TLL1: variants seen among roughly 807,000 people sequenced by gnomAD.
The protein encoded by TLL1 is tolloid like 1, also known as tolloid-like protein 1.
TLL1 carries 49 observed loss-of-function variants against 128.2 expected under a neutral mutation model. That is an observed-to-expected ratio of 0.38 (90% CI 0.30 to 0.48). TLL1 has a LOEUF of 0.48. Among genes scored for constraint, TLL1 ranks in the 20% least tolerant of loss-of-function variants. TLL1 has a pLI of 0.96. For synonymous variants in TLL1, 454 were observed against 418.8 expected, an observed-to-expected ratio of 1.08 and a Z score of -1.03; for missense variants, 1,123 against 1,242.0, an observed-to-expected ratio of 0.90 and a Z score of 1.44.
chr4:166,064,917 C>G (rs745984913), intron 15 of TLL1, among the ~76,000 whole-genome samples: 6 of 152,038 alleles, frequency 3.9e-5, no homozygotes, highest in Non-Finnish European at 7.4e-5. Flanking sequence ...ATTGTTAAAC[C>G]TTGCTAATTA....
At chr4:165,895,391 C>T (rs1731622770) in intron 1 of TLL1, among the ~76,000 whole-genome samples, 1 of 151,916 alleles carries the variant, frequency 6.6e-6, no homozygotes, top group Non-Finnish European at 1.5e-5. Flanking sequence ...CCAAAATTGC[C>T]ATTGACAATT....
chr4:166,074,433 C>G (rs576312283), intron 16 of TLL1, among the ~76,000 whole-genome samples: 2 of 151,494 alleles, frequency 1.3e-5, no homozygotes, highest in African/African-American at 2.4e-5. Context: ...CTTGTTTAGC[C>G]TCTGTCTGTA....
At chr4:166,086,363 G>A (rs1741515066) in intron 18 of TLL1, among the ~76,000 whole-genome samples, 1 of 152,036 alleles carries the variant, frequency 6.6e-6, no homozygotes, top group South Asian at 2.1e-4. Context: ...GGCTTAAAAT[G>A]AGCACTGTTA....
chr4:165,915,767 T>A (rs1268465706), intron 1 of TLL1, among the ~76,000 whole-genome samples: 1 of 152,130 alleles, frequency 6.6e-6, no homozygotes, highest in East Asian at 1.9e-4. Context: ...GAATTGTAAT[T>A]CCTCTATGTA....
intron 9 of TLL1, among the ~76,000 whole-genome samples, chr4:166,029,782 C>T (rs959696050): frequency 3.9e-5 from 6 of 152,092 alleles, no homozygotes; most frequent in Admixed American, 3.9e-4. Context: ...ACTGGACTAT[C>T]TCACTTAGCA....
chr4:165,982,811 G>T (rs911435336), intron 1 of TLL1, among the ~76,000 whole-genome samples: 29 of 149,768 alleles, frequency 1.9e-4, no homozygotes, highest in Non-Finnish European at 4.0e-4. Context: ...CCAAGACCTA[G>T]TGTCAATATT....
intron 1 of TLL1, 80 bp downstream of exon 1, chr4:165,874,153 A>C: frequency 6.4e-7 from 1 of 1,550,642 alleles, no homozygotes; most frequent in East Asian, 2.3e-5. Flanking sequence ...GTGGGAGCTC[A>C]CCTGTTTCCT....
intron 1 of TLL1, among the ~76,000 whole-genome samples, chr4:165,929,110 G>C (rs1255085677): frequency 6.6e-6 from 1 of 152,140 alleles, no homozygotes; most frequent in Non-Finnish European, 1.5e-5. Flanking sequence ...CTGATGACAG[G>C]CAGCACTAAT....
intron 8 of TLL1, among the ~76,000 whole-genome samples, chr4:166,025,008 G>C (rs1474998069): frequency 3.3e-5 from 5 of 152,118 alleles, no homozygotes; most frequent in Admixed American, 3.3e-4. Context: ...CTGAACATGG[G>C]TGTGCTTTAG....
intron 18 of TLL1, among the ~76,000 whole-genome samples, chr4:166,088,007 C>A (rs1439054146): frequency 6.6e-6 from 1 of 152,074 alleles, no homozygotes; most frequent in Non-Finnish European, 1.5e-5. Context: ...GAAATATAAT[C>A]ATGGAATGAG....
At chr4:166,094,832 A>T (rs1741946039) in intron 19 of TLL1, among the ~76,000 whole-genome samples, 1 of 152,058 alleles carries the variant, frequency 6.6e-6, no homozygotes, top group Non-Finnish European at 1.5e-5. Context: ...TCTCTTTAAC[A>T]GGTTCATTTA....
At chr4:165,964,833 C>T (rs188299998) in intron 1 of TLL1, among the ~76,000 whole-genome samples, 105 of 152,076 alleles carry the variant, frequency 6.9e-4, no homozygotes, top group Non-Finnish European at 4.3e-4. Context: ...GCTATTCAGG[C>T]GGCTGTGGTG....
intron 8 of TLL1, among the ~76,000 whole-genome samples, chr4:166,015,856 T>TG (rs934260423): frequency 4.3e-5 from 6 of 139,978 alleles, no homozygotes; most frequent in African/African-American, 1.3e-4. Flanking sequence ...TAAGAAATTA[T>TG]GTTTTTTTTT....
At chr4:166,095,794 T>G (rs968191166) in intron 19 of TLL1, among the ~76,000 whole-genome samples, 4 of 152,238 alleles carry the variant, frequency 2.6e-5, no homozygotes, top group Non-Finnish European at 5.9e-5. Flanking sequence ...CATTTTCCAT[T>G]TCTCAGAATT....
Position 166,039,379 on chromosome 4 carries a change from G to T in TLL1, c.1199G>T (p.Ser400Ile). ...NFTTMDLYKS[S>I]LCWYDYIEVR... is the part of the protein sequence containing the mutation. ...ACAACGATGGATCTATACAAGAGTAGTTTGTGCTGGTATGACTATATTGAA... is the reference window on the plus strand; with the variant it reads ...ACAACGATGGATCTATACAAGAGTATTTTGTGCTGGTATGACTATATTGAA... Residue 400 changes from serine to isoleucine, a missense_variant, in exon 10 of 21, where the codon AGT becomes ATT. This residue lies in a region of TLL1 where 480 missense variants were observed against 542.4 expected (regional missense o/e 0.89). Coordinates refer to ENST00000061240, the MANE Select transcript of TLL1 (RefSeq NM_012464.5). 1 of 1,613,476 alleles carries T rather than the reference G, an allele frequency of 6.2e-7. No homozygotes were observed. The highest frequency in any genetic ancestry group is 1.3e-5 in the African/African-American group (1 of 75,018).
At chr4:165,896,772 C>T (rs1027858927) in intron 1 of TLL1, among the ~76,000 whole-genome samples, 3 of 151,960 alleles carry the variant, frequency 2.0e-5, no homozygotes, top group East Asian at 1.9e-4. Flanking sequence ...CGTGAGGCAC[C>T]GCACCTGGCT....
In TLL1 at chr4:165,934,173, C is replaced by CTT. The variant is rs779010027; in HGVS notation, c.170-55188_170-55187dup. ...GCCACCACGCCCAGCTAATTTTTTG[C>CTT]TTTTTTTTTTTTTTTTTTTTTAGTA... On this transcript the variant is annotated intron_variant, in intron 1 of 20. Transcript: ENST00000061240. 7.1e-3 allele frequency among the ~76,000 whole-genome samples: 773 copies of CTT among 108,254 alleles called. 16 individuals carry two copies. The highest frequency in any genetic ancestry group is 0.025 in the African/African-American group (676 of 26,896). 71.0% of individuals were successfully genotyped at this position (108,254 alleles called of 152,430 possible).
At chr4:165,887,283 T>A (rs909425573) in intron 1 of TLL1, among the ~76,000 whole-genome samples, 1 of 151,990 alleles carries the variant, frequency 6.6e-6, no homozygotes. Flanking sequence ...GGAGGGAGGC[T>A]TGTTAGGTTA....
At chr4:165,960,247 C>T (rs1455288722) in intron 1 of TLL1, among the ~76,000 whole-genome samples, 1 of 152,042 alleles carries the variant, frequency 6.6e-6, no homozygotes, top group Non-Finnish European at 1.5e-5. Flanking sequence ...CACACAACCT[C>T]CCAAGATTAA....
Sources: gnomAD v4.1 joint callset for allele counts (sites outside exome capture counted in the v4.1 genomes callset) on GRCh38, gnomAD v4.1.1 for gene constraint, gnomAD v4.1.1 regional missense constraint, MANE v1.5 for transcripts, NCBI Gene and HGNC (gene_info 2026-07-23, HGNC 2026-07-21) for gene names.